Variants in NUP214 observed in about 807,000 individuals in gnomAD.
The protein encoded by NUP214 is nuclear pore complex protein Nup214.
Under a neutral mutation model 196.2 loss-of-function variants are expected in NUP214, and 79 were observed. The observed-to-expected ratio is 0.40, with a 90% confidence interval of 0.34 to 0.49. The LOEUF (loss-of-function observed/expected upper bound fraction) is 0.49. Ranked by LOEUF, NUP214 falls within the 20% of genes least tolerant of loss-of-function variation. NUP214 has a pLI of 0.58. For synonymous variants in NUP214, 1,020 were observed against 990.5 expected (o/e 1.03, Z -0.56); for missense variants, 2,468 against 2,539.0 (o/e 0.97, Z 0.60).
chr9:131,234,102 C>G lies in NUP214; in HGVS notation c.*615C>G, dbSNP rs1834952416. 1.3e-5 allele frequency: 3 copies of G among 234,818 alleles called. No homozygotes were observed. In the East Asian group the frequency reaches 1.8e-4, roughly 14 times the overall value. 14.5% of individuals were successfully genotyped at this position (234,818 alleles called of 1,614,324 possible). On this transcript the variant is annotated 3_prime_UTR_variant, in exon 36 of 36. Coordinates refer to ENST00000359428, the MANE Select transcript of NUP214 (RefSeq NM_005085.4). ...TTCAGTACAGTACAATAGTAGCCAG[C>G]GTGAGGCAGGACAGTGCTGCGCCTT...
At chr9:131,165,315 G>A (rs987991453) in intron 21 of NUP214, 16 of 152,116 alleles carry the variant, frequency 1.1e-4, no homozygotes, top group African/African-American at 3.6e-4. Flanking sequence ...TCTCAACCCA[G>A]ATATGGCCTC....
intron 5 of NUP214, among the ~76,000 whole-genome samples, chr9:131,132,097 A>G (rs1025414189): frequency 1.2e-4 from 18 of 144,780 alleles, no homozygotes; most frequent in Admixed American, 3.5e-4. Flanking sequence ...TCATGCGTTC[A>G]TGCGTTTCTT....
chr9:131,199,619 CTA>C (rs1457187961), intron 29 of NUP214, among the ~76,000 whole-genome samples: 2 of 152,208 alleles, frequency 1.3e-5, no homozygotes, highest in African/African-American at 2.4e-5. Context: ...TAATTCTTCT[CTA>C]TTGCATTTTC....
Position 131,215,350 on chromosome 9 carries a change from G to C in NUP214, c.5731G>C (p.Gly1911Arg), listed in dbSNP as rs564280453. 3.8e-6 allele frequency: 6 copies of C among 1,598,416 alleles called. No individual in the cohort carries two copies. The African/African-American group carries it at 8.1e-5, about 22-fold the overall frequency. The change falls in exon 31 of 36, where the codon GGA (glycine) becomes CGA (arginine). Residue 1911 changes from glycine to arginine, a missense_variant. This residue lies in a region of NUP214 where 262 missense variants were observed against 296.5 expected (regional missense o/e 0.88). Coordinates refer to ENST00000359428, the MANE Select transcript of NUP214 (RefSeq NM_005085.4). Reference protein sequence around the residue: ...NPFSSASGGFGSTATSNTSNL... With the variant: ...NPFSSASGGFRSTATSNTSNL... The stretch of plus-strand genomic sequence containing the variant: ...ATTCAGCTCGGCCAGTGGGGGCTTT[G>C]GATCCACAGCTACCTCAAGTAAGTT...
At chr9:131,163,394 G>A (rs1832698686) in intron 19 of NUP214, 2 of 523,378 alleles carry the variant, frequency 3.8e-6, no homozygotes, top group Admixed American at 3.8e-5. Context: ...AATTAAGTCT[G>A]TAAAATATTA....
At chr9:131,135,667 G>A (rs1008624881) in intron 8 of NUP214, among the ~76,000 whole-genome samples, 21 of 152,212 alleles carry the variant, frequency 1.4e-4, no homozygotes, top group Non-Finnish European at 5.9e-5. Flanking sequence ...CCTTTGGATG[G>A]CATATTGATT....
In NUP214 at chr9:131,157,846, G is replaced by A. The variant is rs1437573854; in HGVS notation, c.2437-1537G>A. On this transcript the variant is annotated intron_variant, in intron 17 of 35. Coordinates refer to ENST00000359428, the MANE Select transcript of NUP214 (RefSeq NM_005085.4). ...TTTTTAGTAGAGATGGGGTTTCACC[G>A]TGTTGACCAGGCTGGTTTCAAACTC... Among the ~76,000 whole-genome samples, 13 of 151,940 alleles carry A rather than the reference G, an allele frequency of 8.6e-5. No homozygotes were observed. In the East Asian group the frequency reaches 9.8e-4, roughly 11 times the overall value.
chr9:131,164,110 G>A lies in NUP214; in HGVS notation c.2859G>A (p.Lys953=). 1 of 1,614,158 alleles carries A rather than the reference G, an allele frequency of 6.2e-7. No individual in the cohort carries two copies. The highest frequency in any genetic ancestry group is 8.5e-7 in the Non-Finnish European group (1 of 1,180,030). Residue 953 remains lysine, a synonymous_variant, in exon 21 of 36, where the codon AAG becomes AAA. Coordinates refer to ENST00000359428, the MANE Select transcript of NUP214 (RefSeq NM_005085.4). ...KQAQLRNFLA[K]RKTPPVRSTA... is the part of the protein sequence containing the mutation. ...CACAACTGAGAAACTTCTTGGCCAA[G>A]AGGAAGACCCCACCAGTGAGATCCA...
intron 17 of NUP214, among the ~76,000 whole-genome samples, chr9:131,155,540 T>C (rs902007263): frequency 6.6e-6 from 1 of 152,242 alleles, no homozygotes; most frequent in Non-Finnish European, 1.5e-5. Flanking sequence ...TTCTTGGTCA[T>C]GAACTCCTTG....
intron 23 of NUP214, chr9:131,175,912 A>G (rs1833101108): frequency 3.0e-6 from 1 of 330,244 alleles, no homozygotes; most frequent in Admixed American, 4.7e-5. Context: ...CTTTTGAATA[A>G]TGTCTGCTTA....
intron 14 of NUP214, 84 bp downstream of exon 14, chr9:131,147,668 T>C (rs759858071): frequency 2.8e-6 from 3 of 1,064,340 alleles, no homozygotes; most frequent in Non-Finnish European, 4.3e-6. Context: ...GTTTTCATGT[T>C]TTATAATTCA....
rs749074978 is a variant in NUP214 at position 131,163,045 on chromosome 9, G to A, written c.2595G>A (p.Arg865=). ...TGTTTAACACCCTAGCCAACAATCG[G>A]GAAATCATCAACCAACAGAGGAAGA... is the stretch of plus-strand genomic sequence containing the variant. The part of the protein sequence containing the change: ...ETLFNTLANN[R]EIINQQRKRL... Residue 865 remains arginine (R), a synonymous_variant, in exon 19 of 36, where the codon CGG becomes CGA. Coordinates refer to ENST00000359428, the MANE Select transcript of NUP214 (RefSeq NM_005085.4). 1.2e-6 allele frequency: 2 copies of A among 1,614,186 alleles called. No homozygotes were observed. The highest frequency in any genetic ancestry group is 1.3e-5 in the African/African-American group (1 of 75,048).
chr9:131,202,349 TTG>T (rs1241287716), intron 30 of NUP214, among the ~76,000 whole-genome samples: 4 of 152,196 alleles, frequency 2.6e-5, no homozygotes, highest in South Asian at 2.1e-4. Context: ...AGAATGGTGT[TTG>T]TGTGTGTGTG....
Position 131,197,346 on chromosome 9 carries a change from C to A in NUP214, c.3852C>A (p.Thr1284=), listed in dbSNP as rs1437725000. 1 of 1,614,172 alleles carries A rather than the reference C, an allele frequency of 6.2e-7. No individual in the cohort carries two copies. The highest frequency in any genetic ancestry group is 1.7e-5 in the Admixed American group (1 of 60,014). ...PSGITSASNT[T]PGEPAASSSR... ...GAATCACATCCGCATCAAACACCACCCCAGGAGAACCTGCCGCATCTAGCA... is the reference window on the plus strand; with the variant it reads ...GAATCACATCCGCATCAAACACCACACCAGGAGAACCTGCCGCATCTAGCA... The change falls in exon 29 of 36, where the codon ACC becomes ACA. Residue 1284 remains threonine, a synonymous_variant. Transcript: ENST00000359428.
In NUP214 at chr9:131,198,637, A is replaced by G; in HGVS notation, c.5143A>G (p.Thr1715Ala). 6.2e-7 allele frequency: 1 copy of G among 1,614,240 alleles called. No individual in the cohort carries two copies. The highest frequency in any genetic ancestry group is 8.5e-7 in the Non-Finnish European group (1 of 1,180,030). Residue 1715 changes from threonine to alanine, a missense_variant, in exon 29 of 36, where the codon ACC (threonine) becomes GCC (alanine). Coordinates refer to ENST00000359428, the MANE Select transcript of NUP214 (RefSeq NM_005085.4). ...SSGFSSPAFGTTAPGVFGQTT... is the reference protein window; with the variant it reads ...SSGFSSPAFGATAPGVFGQTT... ...AGGGTTTAGCAGCCCAGCTTTTGGT[A>G]CCACAGCCCCAGGGGTCTTTGGACA...
chr9:131,220,254 A>G (rs572424677), intron 31 of NUP214, among the ~76,000 whole-genome samples: 19 of 152,374 alleles, frequency 1.2e-4, no homozygotes, highest in African/African-American at 4.3e-4. Context: ...TCTTATGGTA[A>G]TATGAGAATA....
intron 17 of NUP214, among the ~76,000 whole-genome samples, chr9:131,154,146 A>G (rs573321412): frequency 6.6e-6 from 1 of 152,342 alleles, no homozygotes; most frequent in East Asian, 1.9e-4. Context: ...CTTCTCTTGA[A>G]TCATCTTGGC....
At chr9:131,167,700 A>G (rs1435602324) in intron 21 of NUP214, among the ~76,000 whole-genome samples, 6 of 151,970 alleles carry the variant, frequency 3.9e-5, no homozygotes, top group Non-Finnish European at 7.4e-5. Flanking sequence ...AACCATTTGG[A>G]TATGTTCTTT....
At chr9:131,181,911 G>A (rs552679986) in intron 24 of NUP214, among the ~76,000 whole-genome samples, 10 of 152,256 alleles carry the variant, frequency 6.6e-5, no homozygotes, top group South Asian at 4.1e-4. Context: ...GATTTACACC[G>A]ATGTTTTCTT....
Sources: gnomAD v4.1 joint callset for allele counts (sites outside exome capture counted in the v4.1 genomes callset) on GRCh38, gnomAD v4.1.1 for gene constraint, gnomAD v4.1.1 regional missense constraint, MANE v1.5 for transcripts, NCBI Gene and HGNC (gene_info 2026-07-23, HGNC 2026-07-21) for gene names.